Variants in AK5 observed in about 807,000 individuals in gnomAD.
AK5 encodes adenylate kinase isoenzyme 5.
In AK5, 27 loss-of-function variants were observed where a neutral mutation model predicts 69.5. That is an observed-to-expected ratio of 0.39 (90% CI 0.29 to 0.54). AK5 has a LOEUF of 0.54. AK5 is among the 20% of genes least tolerant of loss of function. The probability of loss-of-function intolerance (pLI) is 0.71; values close to 1 mark genes in which losing one functional copy is unlikely to be tolerated. For missense variants in AK5, 531 were observed against 700.4 expected, an observed-to-expected ratio of 0.76 and a Z score of 2.73; for synonymous variants, 260 against 244.4, an observed-to-expected ratio of 1.06 and a Z score of -0.60.
intron 8 of AK5, among the ~76,000 whole-genome samples, chr1:77,475,446 ATATATATACAAATATATATTATATATGT>A (rs1557620208): frequency 4.1e-4 from 7 of 17,146 alleles, no homozygotes; most frequent in Admixed American, 1.3e-3. Context: ...TATATATATT[ATATATATACAAATATATATTATATATGT>A]ATATATATTA....
chr1:77,412,249 T>C (rs908624759), intron 7 of AK5, among the ~76,000 whole-genome samples: 1 of 152,170 alleles, frequency 6.6e-6, no homozygotes, highest in East Asian at 1.9e-4. Context: ...GTGATGCAAC[T>C]GTGCTGGTTT....
At chr1:77,388,867 A>C (rs1247099466) in intron 6 of AK5, among the ~76,000 whole-genome samples, 1 of 152,206 alleles carries the variant, frequency 6.6e-6, no homozygotes, top group East Asian at 1.9e-4. Flanking sequence ...CTGCTGTTGC[A>C]ATGGACAGTC....
At chr1:77,469,368 G>A (rs1654327980) in intron 8 of AK5, among the ~76,000 whole-genome samples, 1 of 152,218 alleles carries the variant, frequency 6.6e-6, no homozygotes, top group Non-Finnish European at 1.5e-5. Flanking sequence ...TAACCTGGGT[G>A]AGCTTCATCC....
chr1:77,431,365 C>T (rs1651626464), intron 8 of AK5, among the ~76,000 whole-genome samples: 1 of 151,998 alleles, frequency 6.6e-6, no homozygotes, highest in South Asian at 2.1e-4. Context: ...CCTTAGGTGC[C>T]AGACACTCTT....
At chr1:77,444,198 T>C (rs1345839536) in intron 8 of AK5, among the ~76,000 whole-genome samples, 1 of 126,240 alleles carries the variant, frequency 7.9e-6, no homozygotes, top group Non-Finnish European at 1.6e-5. Context: ...ATAAGTGGTA[T>C]ATATATATAT....
chr1:77,519,849 A>AT (rs1461019208), intron 11 of AK5, among the ~76,000 whole-genome samples: 2 of 152,276 alleles, frequency 1.3e-5, no homozygotes, highest in East Asian at 3.9e-4. Context: ...AACCTGCTTT[A>AT]TCAGCAAGGT....
In AK5 at chr1:77,414,873, T is replaced by G. The variant is rs570693472; in HGVS notation, c.983-2766T>G. On this transcript the variant is annotated intron_variant, in intron 7 of 13. Transcript: ENST00000354567. ...TCCCTCTATTTTTTGTGTCAAACCT[T>G]AGAGTATTATTAAAGGTCCCATTTT... is the stretch of plus-strand genomic sequence containing the variant. 5.9e-5 allele frequency among the ~76,000 whole-genome samples: 9 copies of G among 152,300 alleles called. No homozygotes were observed. The South Asian group carries it at 1.9e-3, about 32-fold the overall frequency.
intron 5 of AK5, among the ~76,000 whole-genome samples, chr1:77,311,369 TAG>T (rs1483798497): frequency 6.6e-6 from 1 of 152,136 alleles, no homozygotes; most frequent in Non-Finnish European, 1.5e-5. Flanking sequence ...TATAAATCAA[TAG>T]AGTTAATTAT....
intron 9 of AK5, among the ~76,000 whole-genome samples, chr1:77,484,830 T>C (rs1006088001): frequency 6.6e-6 from 1 of 152,242 alleles, no homozygotes; most frequent in African/African-American, 2.4e-5. Context: ...CTCCAAATGT[T>C]TTGTATATAT....
intron 6 of AK5, among the ~76,000 whole-genome samples, chr1:77,385,776 G>T (rs1159227931): frequency 6.6e-6 from 1 of 152,136 alleles, no homozygotes; most frequent in South Asian, 2.1e-4. Context: ...AACAGGAACA[G>T]GATTCCATGA....
At chr1:77,396,651 G>C (rs1648849909) in intron 6 of AK5, among the ~76,000 whole-genome samples, 2 of 152,146 alleles carry the variant, frequency 1.3e-5, no homozygotes, top group African/African-American at 4.8e-5. Flanking sequence ...CTAAAAATAG[G>C]AAGGAAAAAC....
chr1:77,291,907 C>A (rs1658708835), intron 2 of AK5, among the ~76,000 whole-genome samples: 2 of 152,212 alleles, frequency 1.3e-5, no homozygotes, highest in Non-Finnish European at 2.9e-5. Flanking sequence ...AGGAAGTCAG[C>A]AAAGTCCTCT....
intron 12 of AK5, chr1:77,531,989 T>TCCGGCCGA (rs1553161458): frequency 4.0e-5 from 6 of 148,532 alleles, no homozygotes; most frequent in Admixed American, 1.3e-4. Flanking sequence ...CCTGCGGCCA[T>TCCGGCCGA]CCGGCCGGCC....
intron 5 of AK5, among the ~76,000 whole-genome samples, chr1:77,318,445 G>A (rs1426771547): frequency 6.6e-6 from 1 of 152,068 alleles, no homozygotes; most frequent in Non-Finnish European, 1.5e-5. Flanking sequence ...GATTTGGGTG[G>A]GGACATGATT....
chr1:77,354,328 A>G (rs1012052928), intron 6 of AK5, among the ~76,000 whole-genome samples: 2 of 152,162 alleles, frequency 1.3e-5, no homozygotes, highest in African/African-American at 4.8e-5. Flanking sequence ...ATTTCTAGCT[A>G]ATGGGGGGGT....
intron 6 of AK5, among the ~76,000 whole-genome samples, chr1:77,370,408 G>C (rs1172134789): frequency 6.6e-6 from 1 of 152,054 alleles, no homozygotes; most frequent in Non-Finnish European, 1.5e-5. Context: ...CTCTCTCAAA[G>C]TAAACTTTCA....
At chr1:77,531,428 C>A (rs1189309624) in intron 12 of AK5, among the ~76,000 whole-genome samples, 1 of 152,150 alleles carries the variant, frequency 6.6e-6, no homozygotes, top group South Asian at 2.1e-4. Context: ...GGTGCGTTTA[C>A]AATCCCTGAG....
chr1:77,332,403 T>TC (rs1435524597), intron 5 of AK5, among the ~76,000 whole-genome samples: 2 of 112,822 alleles, frequency 1.8e-5, no homozygotes, highest in Admixed American at 8.4e-5. Flanking sequence ...TAAATTTTTC[T>TC]TTTTTTTTTT....
At chr1:77,523,539 A>G (rs1658110863) in intron 12 of AK5, among the ~76,000 whole-genome samples, 1 of 152,206 alleles carries the variant, frequency 6.6e-6, no homozygotes, top group South Asian at 2.1e-4. Flanking sequence ...AGACATAACA[A>G]AATTTGTCAT....
Sources: gnomAD v4.1 joint callset for allele counts (sites outside exome capture counted in the v4.1 genomes callset) on GRCh38, gnomAD v4.1.1 for gene constraint, MANE v1.5 for transcripts, NCBI Gene and HGNC (gene_info 2026-07-23, HGNC 2026-07-21) for gene names.